Variants in CHSY3 observed in about 807,000 individuals in gnomAD.
The protein encoded by CHSY3 is N-acetylgalactosaminyl-proteoglycan 3-beta-glucuronosyltransferase 3.
In CHSY3, 35 loss-of-function variants were observed where a neutral mutation model predicts 67.2. The observed-to-expected ratio is 0.52, with a 90% CI of 0.40 to 0.69. The LOEUF (loss-of-function observed/expected upper bound fraction) is 0.69. CHSY3 is among the 30% of genes least tolerant of loss of function. CHSY3 has a pLI of 0.00. For missense variants in CHSY3, 1,069 were observed against 1,138.5 expected (o/e 0.94, Z 0.88); for synonymous variants, 474 against 434.7 (o/e 1.09, Z -1.12).
At chr5:130,176,912 G>A (rs1770071389) in intron 2 of CHSY3, among the ~76,000 whole-genome samples, 1 of 152,084 alleles carries the variant, frequency 6.6e-6, no homozygotes, top group Non-Finnish European at 1.5e-5. Context: ...GATGAGTGCA[G>A]CAAACCACCA....
Position 129,905,706 on chromosome 5 carries a change from C to T in CHSY3, c.802+75C>T, listed in dbSNP as rs73785807. 2,016 of 1,551,744 alleles carry T rather than the reference C, an allele frequency of 1.3e-3. 20 individuals are homozygous for T. In the African/African-American group the frequency reaches 0.024, roughly 18 times the overall value. On this transcript the variant is annotated intron_variant, in intron 1 of 2. Transcript: ENST00000305031. ...TCTCTGTAACCGGTCCTAGCCCCTG[C>T]CCAGCCCCTCCGCTGCTTCTCTGCC...
At chr5:130,110,232 T>C (rs1173704859) in intron 2 of CHSY3, among the ~76,000 whole-genome samples, 1 of 151,906 alleles carries the variant, frequency 6.6e-6, no homozygotes, top group African/African-American at 2.4e-5. Flanking sequence ...ATAGTCACCA[T>C]TGTTTTTTCT....
At chr5:130,104,347 C>T (rs956422556) in intron 2 of CHSY3, among the ~76,000 whole-genome samples, 4 of 151,800 alleles carry the variant, frequency 2.6e-5, no homozygotes, top group African/African-American at 9.7e-5. Context: ...TTACTTTACA[C>T]GTGGTTTCAG....
In CHSY3 at chr5:130,002,008, T is replaced by A. The variant is rs555500719; in HGVS notation, c.1086+93648T>A. 1.9e-4 allele frequency: 157 copies of A among 847,390 alleles called. No homozygotes were observed. In the Middle Eastern group the frequency reaches 8.3e-3, roughly 45 times the overall value. The allele number at this position is 847,390 out of a possible 1,614,324, so 52.5% of individuals were successfully genotyped here. A position where few individuals can be genotyped will look rare whatever the true frequency, so the allele number is the denominator to read the frequency against. ...AATGCTTATAGTAACTTAGAGCTACTCTCTAAGTCCTTTTTCTGTGTTCTT... is the reference window on the plus strand; with the variant it reads ...AATGCTTATAGTAACTTAGAGCTACACTCTAAGTCCTTTTTCTGTGTTCTT... On this transcript the variant is annotated intron_variant, in intron 2 of 2. Coordinates refer to ENST00000305031, the MANE Select transcript of CHSY3 (RefSeq NM_175856.5).
intron 2 of CHSY3, among the ~76,000 whole-genome samples, chr5:130,139,243 T>C (rs914725494): frequency 6.6e-6 from 1 of 152,148 alleles, no homozygotes; most frequent in Non-Finnish European, 1.5e-5. Flanking sequence ...ATCTAAAACA[T>C]CAATTCAGCC....
chr5:130,014,343 G>C (rs1764150180), intron 2 of CHSY3, among the ~76,000 whole-genome samples: 1 of 152,276 alleles, frequency 6.6e-6, no homozygotes, highest in South Asian at 2.1e-4. Context: ...TTTTCATGCT[G>C]CTATGAAGAA....
chr5:130,077,496 C>T (rs1051587157), intron 2 of CHSY3, among the ~76,000 whole-genome samples: 4 of 152,024 alleles, frequency 2.6e-5, no homozygotes, highest in South Asian at 4.1e-4. Flanking sequence ...CTTATGGAGA[C>T]GTTGGACCGC....
chr5:130,000,238 C>A (rs955577935), intron 2 of CHSY3, among the ~76,000 whole-genome samples: 1 of 152,054 alleles, frequency 6.6e-6, no homozygotes, highest in African/African-American at 2.4e-5. Context: ...TAAAAATCAT[C>A]GTAGGATTTT....
chr5:129,955,314 T>A (rs1762140168), intron 2 of CHSY3, among the ~76,000 whole-genome samples: 1 of 152,128 alleles, frequency 6.6e-6, no homozygotes, highest in Non-Finnish European at 1.5e-5. Context: ...TTGCCCAAGT[T>A]TGGGTCTGTT....
intron 2 of CHSY3, among the ~76,000 whole-genome samples, chr5:130,071,527 T>C (rs910203860): frequency 7.0e-6 from 1 of 143,858 alleles, no homozygotes; most frequent in Non-Finnish European, 1.5e-5. Context: ...GATGACATTA[T>C]AGTAGTTCAT....
chr5:130,004,411 A>G (rs1002615293), intron 2 of CHSY3, among the ~76,000 whole-genome samples: 3 of 152,186 alleles, frequency 2.0e-5, no homozygotes, highest in African/African-American at 2.4e-5. Flanking sequence ...AAATTTTTAA[A>G]CCATCTAGAA....
intron 2 of CHSY3, among the ~76,000 whole-genome samples, chr5:130,152,514 T>C (rs1054235921): frequency 2.6e-5 from 4 of 152,216 alleles, no homozygotes; most frequent in African/African-American, 9.6e-5. Flanking sequence ...TTTAAAACTT[T>C]TCCTATCAGT....
At chr5:130,099,346 A>G (rs1253913004) in intron 2 of CHSY3, among the ~76,000 whole-genome samples, 1 of 152,222 alleles carries the variant, frequency 6.6e-6, no homozygotes, top group East Asian at 1.9e-4. Flanking sequence ...TGCTGGTAGC[A>G]ATATAGAGAG....
chr5:129,909,896 G>GT (rs200829310), intron 2 of CHSY3, among the ~76,000 whole-genome samples: 1,662 of 151,996 alleles, frequency 0.011, 25 homozygotes, highest in African/African-American at 0.037. Context: ...AAATTATTGT[G>GT]TTTTATAGGA....
At chr5:130,121,806 T>TC (rs1435907884) in intron 2 of CHSY3, among the ~76,000 whole-genome samples, 1 of 152,148 alleles carries the variant, frequency 6.6e-6, no homozygotes, top group Non-Finnish European at 1.5e-5. Flanking sequence ...AAATTGCTTA[T>TC]CTTTTTTTCA....
At chr5:130,054,874 T>A (rs1319956947) in intron 2 of CHSY3, among the ~76,000 whole-genome samples, 4 of 152,202 alleles carry the variant, frequency 2.6e-5, no homozygotes, top group African/African-American at 9.6e-5. Flanking sequence ...GTTTGTCCTC[T>A]AGGTATGGAG....
At chr5:130,100,336 C>T (rs917262528) in intron 2 of CHSY3, among the ~76,000 whole-genome samples, 1 of 150,362 alleles carries the variant, frequency 6.7e-6, no homozygotes, top group Non-Finnish European at 1.5e-5. Flanking sequence ...AGGTGCCCAC[C>T]ACCATGCTTG....
chr5:130,031,098 T>C (rs1231364646), intron 2 of CHSY3, among the ~76,000 whole-genome samples: 1 of 151,732 alleles, frequency 6.6e-6, no homozygotes, highest in Non-Finnish European at 1.5e-5. Flanking sequence ...CCGAGTGGTA[T>C]GAAAAATAAA....
At chr5:129,981,050 C>CAA (rs71000945) in intron 2 of CHSY3, among the ~76,000 whole-genome samples, 7,911 of 130,672 alleles carry the variant, frequency 0.061, 264 homozygotes, top group South Asian at 0.1. Flanking sequence ...ACTGAAAATA[C>CAA]AAAAAAAAAA....
Sources: allele counts gnomAD v4.1 joint callset (sites outside exome capture counted in the v4.1 genomes callset), GRCh38; gene constraint gnomAD v4.1.1; transcripts MANE v1.5; gene names NCBI Gene and HGNC (gene_info 2026-07-23, HGNC 2026-07-21).